The following CLHC1 variants were observed in gnomAD, a reference collection of about 807,000 sequenced individuals.
The protein encoded by CLHC1 is clathrin heavy chain linker domain containing 1.
CLHC1 carries 72 observed loss-of-function variants against 69.5 expected under a neutral mutation model. The observed-to-expected ratio is 1.04, with a 90% CI of 0.86 to 1.26. The LOEUF (loss-of-function observed/expected upper bound fraction) is 1.26, where lower values mean the gene tolerates loss of function less well. CLHC1 is among the 50% of genes most tolerant of loss of function. The pLI, the probability that CLHC1 is intolerant of heterozygous loss-of-function variation, is 0.00. For missense variants in CLHC1, 790 were observed against 679.3 expected, an observed-to-expected ratio of 1.16 and a Z score of -1.81; for synonymous variants, 223 against 224.3, an observed-to-expected ratio of 0.99 and a Z score of 0.05.
chr2:55,176,251 C>T (rs537564143), intron 12 of CLHC1, among the ~76,000 whole-genome samples: 16 of 152,316 alleles, frequency 1.1e-4, no homozygotes, highest in Admixed American at 1.0e-3. Flanking sequence ...CACATCTCCA[C>T]TCATCTCCTT....
intron 9 of CLHC1, among the ~76,000 whole-genome samples, chr2:55,201,675 A>G (rs1671958037): frequency 6.6e-6 from 1 of 152,208 alleles, no homozygotes; most frequent in Non-Finnish European, 1.5e-5. Context: ...CAAGTCCAGT[A>G]TTACCCTGAT....
rs774476351 is a variant in CLHC1 at position 55,209,774 on chromosome 2, A to G, written c.557T>C (p.Leu186Pro). ...TTTAATTTCTGCATATTTATCTTCAAGATGTTTCATGTATTTAGTGAGAGC... is the reference window on the plus strand; with the variant it reads ...TTTAATTTCTGCATATTTATCTTCAGGATGTTTCATGTATTTAGTGAGAGC... Reference protein sequence around the residue: ...LDALTKYMKHLEDKYAEIKQA... With the variant: ...LDALTKYMKHPEDKYAEIKQA... Residue 186 changes from leucine to proline, a missense_variant, in exon 6 of 13, where the codon CTT becomes CCT. Physicochemically the swap from Leu to Pro is moderately conservative, Grantham distance 98 (BLOSUM62 -3). Transcript: ENST00000401408. 2.5e-6 allele frequency: 4 copies of G among 1,611,938 alleles called. No individual in the cohort carries two copies. Among genetic ancestry groups the G allele is most frequent in the African/African-American group, 1.3e-5 (1 of 74,892 alleles).
In CLHC1 at chr2:55,221,713, C is replaced by A. The variant is rs184872001; in HGVS notation, c.177+522G>T. Among the ~76,000 whole-genome samples the A allele has an allele frequency of 2.3e-4, 35 of 152,334 alleles. No homozygotes were observed. The East Asian group carries it at 6.2e-3, about 27-fold the overall frequency. On this transcript the variant is annotated intron_variant, in intron 3 of 12. Coordinates refer to ENST00000401408, the MANE Select transcript of CLHC1 (RefSeq NM_152385.4). ...TAGTCTGGGCTAGGCACTGGTAGTT[C>A]ATGCTTGTAATCCCAGCACTTTGGG... is the stretch of plus-strand genomic sequence containing the variant.
At chr2:55,200,705 T>C (rs1671867906) in intron 9 of CLHC1, among the ~76,000 whole-genome samples, 1 of 152,186 alleles carries the variant, frequency 6.6e-6, no homozygotes, top group African/African-American at 2.4e-5. Context: ...ACAGAACGTA[T>C]CACCCAACAG....
chr2:55,195,403 C>T (rs896652992), intron 9 of CLHC1, among the ~76,000 whole-genome samples: 1 of 152,154 alleles, frequency 6.6e-6, no homozygotes, highest in Non-Finnish European at 1.5e-5. Context: ...ATATGCCATG[C>T]TATGAACTGG....
rs760074680 is a variant in CLHC1 at position 55,228,623 on chromosome 2, G to C, written c.-255-419C>G. On this transcript the variant is annotated intron_variant, in intron 1 of 12. Coordinates refer to ENST00000401408, the MANE Select transcript of CLHC1 (RefSeq NM_152385.4). Reference sequence around the variant, plus strand: ...AGGTAAGCACAATAGGCTACAGAAGGCCAGAGGGGCATCTCATCAGCCTAC... The same window carrying C: ...AGGTAAGCACAATAGGCTACAGAAGCCCAGAGGGGCATCTCATCAGCCTAC... Among the ~76,000 whole-genome samples the C allele has an allele frequency of 2.0e-5, 3 of 152,298 alleles. No homozygotes were observed. The South Asian group carries it at 6.2e-4, about 32-fold the overall frequency.
Position 55,181,708 on chromosome 2 carries a change from A to G in CLHC1, c.1043T>C (p.Leu348Pro). The G allele has an allele frequency of 1.9e-6, 3 of 1,613,660 alleles. No homozygotes were observed. Among genetic ancestry groups the G allele is most frequent in the African/African-American group, 2.7e-5 (2 of 75,006 alleles). The change falls in exon 10 of 13, where the codon CTC becomes CCC. Residue 348 changes from leucine to proline, a missense_variant. Leu to Pro is a moderately conservative substitution (Grantham distance 98). Coordinates refer to ENST00000401408, the MANE Select transcript of CLHC1 (RefSeq NM_152385.4). ...GATAAAGAGGGCCTCAAAAAATAAG[A>G]GTAATGGAAGAGGCTTTCCTCTAAT... is the stretch of plus-strand genomic sequence containing the variant. ...GKIRGKPLPL[L>P]LFFEALFITS...
intron 11 of CLHC1, among the ~76,000 whole-genome samples, chr2:55,180,019 T>A (rs2103671100): frequency 6.6e-6 from 1 of 152,054 alleles, no homozygotes; most frequent in African/African-American, 2.4e-5. Context: ...CCGGGCGTAG[T>A]GGCGGGCACC....
At chr2:55,178,392 C>G (rs2103654990) in intron 11 of CLHC1, among the ~76,000 whole-genome samples, 1 of 152,278 alleles carries the variant, frequency 6.6e-6, no homozygotes, top group East Asian at 1.9e-4. Context: ...TATTTGGCCA[C>G]AAAAAGAACA....
At chr2:55,184,661 C>T (rs1366462645) in intron 9 of CLHC1, among the ~76,000 whole-genome samples, 1 of 152,028 alleles carries the variant, frequency 6.6e-6, no homozygotes, top group Non-Finnish European at 1.5e-5. Flanking sequence ...AATCCCAGCA[C>T]TTTGGGAGGC....
At chr2:55,190,238 G>A (rs1002794078) in intron 9 of CLHC1, among the ~76,000 whole-genome samples, 3 of 151,738 alleles carry the variant, frequency 2.0e-5, no homozygotes, top group South Asian at 2.1e-4. Context: ...TAGTAGAGAC[G>A]TGGTTTCACC....
At chr2:55,191,273 T>C (rs4672027) in intron 9 of CLHC1, among the ~76,000 whole-genome samples, 69,400 of 152,032 alleles carry the variant, frequency 0.46, 16,296 homozygotes, top group East Asian at 0.51. Context: ...ACGGAGTCTC[T>C]CTCTGTCACT....
chr2:55,197,097 G>T (rs1436054356), intron 9 of CLHC1, among the ~76,000 whole-genome samples: 1 of 152,100 alleles, frequency 6.6e-6, no homozygotes, highest in East Asian at 1.9e-4. Context: ...CTATCCGTAG[G>T]GAGAGACTCC....
In CLHC1 at chr2:55,184,116, T is replaced by TC. The variant is rs531682966; in HGVS notation, c.1007-2373_1007-2372insG. Among the ~76,000 whole-genome samples, 812 of 149,680 alleles carry TC rather than the reference T, an allele frequency of 5.4e-3. 16 individuals carry two copies. Among genetic ancestry groups the TC allele is most frequent in the African/African-American group, 0.019 (783 of 40,804 alleles). On this transcript the variant is annotated intron_variant, in intron 9 of 12. Coordinates refer to ENST00000401408, the MANE Select transcript of CLHC1 (RefSeq NM_152385.4). The stretch of plus-strand genomic sequence containing the variant: ...TTTCTTTCTTTCTTTATTTTTTTTT[T>TC]TTTTTTCGAGACAGGGTCTCACTGT...
intron 4 of CLHC1, among the ~76,000 whole-genome samples, chr2:55,216,821 A>C (rs1234830660): frequency 6.6e-6 from 1 of 151,924 alleles, no homozygotes; most frequent in Non-Finnish European, 1.5e-5. Flanking sequence ...CCCTGTGCGG[A>C]CCCTCATTTT....
chr2:55,205,940 T>G (rs1437884312), intron 9 of CLHC1, among the ~76,000 whole-genome samples: 4 of 152,156 alleles, frequency 2.6e-5, no homozygotes, highest in African/African-American at 9.7e-5. Flanking sequence ...TATGTACAAT[T>G]TGTTGTATTA....
chr2:55,196,658 A>C (rs370300728), intron 9 of CLHC1, among the ~76,000 whole-genome samples: 28 of 152,250 alleles, frequency 1.8e-4, no homozygotes, highest in African/African-American at 6.7e-4. Flanking sequence ...TGCTGACTAA[A>C]CAGCCCCTTG....
intron 9 of CLHC1, among the ~76,000 whole-genome samples, chr2:55,203,394 T>A (rs1356182098): frequency 6.6e-6 from 1 of 152,196 alleles, no homozygotes; most frequent in Non-Finnish European, 1.5e-5. Flanking sequence ...GGAATCACAT[T>A]ATCTAACTTC....
rs113009280 is a variant in CLHC1, at chr2:55,226,821, T to C, written c.-83+1211A>G. ...TAATTTTTTGTAATTTTAGTAGAGA[T>C]GGGGTTTCACCCTGTTGGCCAGGCT... On this transcript the variant is annotated intron_variant, in intron 2 of 12. Transcript: ENST00000401408. Among the ~76,000 whole-genome samples the C allele has an allele frequency of 2.0e-5, 3 of 152,344 alleles. 1 individual carries two copies. Among genetic ancestry groups the C allele is most frequent in the African/African-American group, 4.8e-5 (2 of 41,584 alleles).
Sources: allele counts gnomAD v4.1 joint callset (sites outside exome capture counted in the v4.1 genomes callset), GRCh38; gene constraint gnomAD v4.1.1; transcripts MANE v1.5; gene names NCBI Gene and HGNC (gene_info 2026-07-23, HGNC 2026-07-21).